Variants in EXOC4 observed in about 807,000 individuals in gnomAD.
EXOC4 encodes the protein SEC8-like 1.
In EXOC4, 71 loss-of-function variants were observed where a neutral mutation model predicts 107.2. That is an observed-to-expected ratio of 0.66 (90% CI 0.55 to 0.81). EXOC4 has a LOEUF of 0.81. Ranked by LOEUF, EXOC4 falls within the 30% of genes least tolerant of loss-of-function variation. The probability of loss-of-function intolerance (pLI) is 0.00; values close to 1 mark genes in which losing one functional copy is unlikely to be tolerated. For synonymous variants in EXOC4, 456 were observed against 441.2 expected (o/e 1.03, Z -0.42); for missense variants, 1,108 against 1,189.6 (o/e 0.93, Z 1.01).
chr7:133,374,782 T>C, intron 6 of EXOC4, 46 bp from the exon 7 acceptor site: 1 of 1,506,722 alleles, frequency 6.6e-7, no homozygotes, highest in Non-Finnish European at 9.1e-7. Context: ...GCCATTTATC[T>C]GCGTGTACGT....
At chr7:133,330,346 C>G (rs1795352676) in intron 5 of EXOC4, among the ~76,000 whole-genome samples, 1 of 152,068 alleles carries the variant, frequency 6.6e-6, no homozygotes, top group Non-Finnish European at 1.5e-5. Flanking sequence ...ACCACTAGAT[C>G]TTAAGTTACC....
intron 10 of EXOC4, among the ~76,000 whole-genome samples, chr7:133,698,711 T>C (rs938669228): frequency 1.3e-5 from 2 of 152,214 alleles, no homozygotes; most frequent in African/African-American, 4.8e-5. Context: ...TAACACACTC[T>C]GTGCCTTGTT....
intron 10 of EXOC4, among the ~76,000 whole-genome samples, chr7:133,705,252 A>G (rs759293569): frequency 6.6e-6 from 1 of 152,142 alleles, no homozygotes; most frequent in Non-Finnish European, 1.5e-5. Context: ...CTGTAATCCC[A>G]GCAATTCAGG....
chr7:133,516,191 C>T (rs538319911), intron 9 of EXOC4, among the ~76,000 whole-genome samples: 235 of 152,278 alleles, frequency 1.5e-3, no homozygotes, highest in Non-Finnish European at 2.8e-3. Flanking sequence ...TAAAAAGCAG[C>T]TGTATGGAAA....
At chr7:133,432,119 A>G (rs1012534662) in intron 7 of EXOC4, among the ~76,000 whole-genome samples, 9 of 152,126 alleles carry the variant, frequency 5.9e-5, no homozygotes, top group Non-Finnish European at 1.5e-5. Flanking sequence ...GGTCTAGTCT[A>G]TCCCTTTAAT....
At chr7:133,458,690 C>T (rs1299393861) in intron 7 of EXOC4, among the ~76,000 whole-genome samples, 2 of 152,144 alleles carry the variant, frequency 1.3e-5, no homozygotes, top group Non-Finnish European at 2.9e-5. Context: ...GGTGTCTTCT[C>T]AGAAAAGAAT....
chr7:133,854,292 A>G (rs188080696), intron 11 of EXOC4, among the ~76,000 whole-genome samples: 2 of 152,122 alleles, frequency 1.3e-5, no homozygotes, highest in East Asian at 1.9e-4. Context: ...GGAGGGCCAT[A>G]CCTTCGAGAC....
intron 10 of EXOC4, among the ~76,000 whole-genome samples, chr7:133,702,499 C>G (rs1404660359): frequency 6.6e-6 from 1 of 151,040 alleles, no homozygotes; most frequent in Admixed American, 6.6e-5. Context: ...ATCATGACTT[C>G]CAGCCAATTT....
chr7:134,034,760 C>T (rs1486553898), intron 17 of EXOC4, among the ~76,000 whole-genome samples: 1 of 152,176 alleles, frequency 6.6e-6, no homozygotes, highest in Non-Finnish European at 1.5e-5. Flanking sequence ...CGGACTAATA[C>T]AGGTTGTAAG....
intron 9 of EXOC4, among the ~76,000 whole-genome samples, chr7:133,568,853 CAGTTT>C (rs955000184): frequency 3.9e-5 from 6 of 152,082 alleles, no homozygotes; most frequent in Admixed American, 2.6e-4. Context: ...TATCTTAAAA[CAGTTT>C]AGTTTTATGA....
At chr7:133,314,304 C>T (rs1391924471) in intron 4 of EXOC4, among the ~76,000 whole-genome samples, 1 of 152,096 alleles carries the variant, frequency 6.6e-6, no homozygotes, top group Non-Finnish European at 1.5e-5. Flanking sequence ...ACTTTTGAGA[C>T]TAAGTCCTTT....
intron 10 of EXOC4, among the ~76,000 whole-genome samples, chr7:133,795,781 C>T (rs1424456411): frequency 6.6e-6 from 1 of 152,202 alleles, no homozygotes; most frequent in African/African-American, 2.4e-5. Flanking sequence ...GCATCTCTAT[C>T]AACCGTGTAG....
At chr7:133,906,723 G>A (rs1799574725) in intron 12 of EXOC4, among the ~76,000 whole-genome samples, 1 of 152,160 alleles carries the variant, frequency 6.6e-6, no homozygotes, top group Non-Finnish European at 1.5e-5. Flanking sequence ...CAGACCCACC[G>A]CTGACTTCCA....
At chr7:133,469,159 T>G (rs918996461) in intron 7 of EXOC4, among the ~76,000 whole-genome samples, 1 of 152,218 alleles carries the variant, frequency 6.6e-6, no homozygotes, top group Non-Finnish European at 1.5e-5. Flanking sequence ...GGCTCACGCC[T>G]GTAATCCCAG....
intron 11 of EXOC4, among the ~76,000 whole-genome samples, chr7:133,823,913 A>ATATATATATAAAT (rs1797633138): frequency 2.0e-5 from 1 of 49,180 alleles, no homozygotes; most frequent in African/African-American, 1.2e-4. Context: ...ATATATATAA[A>ATATATATATAAAT]TATATATATA....
At chr7:133,260,072 A>T (rs2150504329) in intron 1 of EXOC4, among the ~76,000 whole-genome samples, 1 of 152,230 alleles carries the variant, frequency 6.6e-6, no homozygotes, top group South Asian at 2.1e-4. Flanking sequence ...TCCATTTCCA[A>T]CACCACTTGT....
intron 13 of EXOC4, among the ~76,000 whole-genome samples, chr7:133,924,406 A>T (rs1356445099): frequency 6.6e-6 from 1 of 152,188 alleles, no homozygotes; most frequent in Non-Finnish European, 1.5e-5. Context: ...TCAATAGCTT[A>T]AATTGAAGGG....
At chr7:133,802,869 G>A (rs1352775824) in intron 10 of EXOC4, among the ~76,000 whole-genome samples, 1 of 146,568 alleles carries the variant, frequency 6.8e-6, no homozygotes, top group Non-Finnish European at 1.5e-5. Flanking sequence ...AAAAAAAAAA[G>A]GAGAGAGAGA....
At chr7:133,641,911 G>A (rs540957429) in intron 10 of EXOC4, among the ~76,000 whole-genome samples, 119 of 152,276 alleles carry the variant, frequency 7.8e-4, no homozygotes, top group African/African-American at 2.8e-3. Context: ...TTCTTACTTT[G>A]AAGCTTTTAA....
Sources: gnomAD v4.1 joint callset for allele counts (sites outside exome capture counted in the v4.1 genomes callset) on GRCh38, gnomAD v4.1.1 for gene constraint, MANE v1.5 for transcripts, NCBI Gene and HGNC (gene_info 2026-07-23, HGNC 2026-07-21) for gene names.